The following ADGRB3 variants were observed in gnomAD, a reference collection of about 807,000 sequenced individuals.
ADGRB3 encodes adhesion G protein-coupled receptor B3.
ADGRB3 carries 37 observed loss-of-function variants against 193.4 expected under a neutral mutation model. That is an observed-to-expected ratio of 0.19 (90% CI 0.15 to 0.25). ADGRB3 has a LOEUF of 0.25. ADGRB3 is among the 10% of genes least tolerant of loss of function. The pLI is 1.00. For missense variants in ADGRB3, 1,637 were observed against 1,852.9 expected, an observed-to-expected ratio of 0.88 and a Z score of 2.14; for synonymous variants, 690 against 644.2, an observed-to-expected ratio of 1.07 and a Z score of -1.08.
intron 5 of ADGRB3, among the ~76,000 whole-genome samples, chr6:68,937,225 A>AAGAG (rs59088683): frequency 7.9e-4 from 118 of 149,680 alleles, no homozygotes; most frequent in Non-Finnish European, 1.5e-3. Context: ...AAACTTAATG[A>AAGAG]AGAGAGAGAG....
chr6:68,734,338 A>AT (rs981461267), intron 3 of ADGRB3, among the ~76,000 whole-genome samples: 3 of 151,892 alleles, frequency 2.0e-5, no homozygotes, highest in Non-Finnish European at 2.9e-5. Flanking sequence ...TGAACATTTT[A>AT]TTTTTTTAAC....
intron 16 of ADGRB3, among the ~76,000 whole-genome samples, chr6:69,071,369 C>T (rs1476621382): frequency 6.8e-6 from 1 of 147,272 alleles, no homozygotes; most frequent in Non-Finnish European, 1.5e-5. Flanking sequence ...CAAAAGAGAA[C>T]TATCCATTGG....
chr6:68,829,361 C>T (rs1767910932), intron 3 of ADGRB3, among the ~76,000 whole-genome samples: 1 of 151,934 alleles, frequency 6.6e-6, no homozygotes, highest in Non-Finnish European at 1.5e-5. Flanking sequence ...CTCGGCTTCC[C>T]ACAGTGTTGG....
At chr6:69,093,532 T>C (rs1772776522) in intron 17 of ADGRB3, among the ~76,000 whole-genome samples, 1 of 147,152 alleles carries the variant, frequency 6.8e-6, no homozygotes, top group Non-Finnish European at 1.5e-5. Flanking sequence ...TTCAGGGGGA[T>C]ATGGGGTTGG....
chr6:68,868,951 G>GTGTGTGTGTGTGTGTGTGTGTT (rs781022363), intron 3 of ADGRB3, among the ~76,000 whole-genome samples: 3 of 150,394 alleles, frequency 2.0e-5, no homozygotes, highest in African/African-American at 2.5e-5. Flanking sequence ...GAGTGTGTGT[G>GTGTGTGTGTGTGTGTGTGTGTT]TTTAAACTTA....
intron 23 of ADGRB3, chr6:69,332,449 G>A: frequency 1.0e-6 from 1 of 985,376 alleles, no homozygotes; most frequent in Non-Finnish European, 1.2e-6. Flanking sequence ...CACAGCATGA[G>A]GAATTTAAGC....
At chr6:69,369,964 T>C (rs1245114696) in intron 29 of ADGRB3, among the ~76,000 whole-genome samples, 7 of 152,150 alleles carry the variant, frequency 4.6e-5, no homozygotes, top group Non-Finnish European at 7.4e-5. Flanking sequence ...GCTCATCTAT[T>C]GTTATTTTTG....
chr6:69,238,720 T>A (rs1766324365), intron 19 of ADGRB3, among the ~76,000 whole-genome samples: 1 of 151,960 alleles, frequency 6.6e-6, no homozygotes, highest in African/African-American at 2.4e-5. Context: ...TATTGGTTGA[T>A]TCATATGATA....
At chr6:69,226,588 G>A (rs1766021064) in intron 17 of ADGRB3, among the ~76,000 whole-genome samples, 1 of 152,208 alleles carries the variant, frequency 6.6e-6, no homozygotes, top group Non-Finnish European at 1.5e-5. Flanking sequence ...AGGGCACTTT[G>A]GAAAGTGCTT....
At chr6:69,346,595 T>C (rs970920273) in intron 26 of ADGRB3, among the ~76,000 whole-genome samples, 1 of 152,112 alleles carries the variant, frequency 6.6e-6, no homozygotes, top group Admixed American at 6.5e-5. Flanking sequence ...AACAAACATA[T>C]GAAAAATAGC....
intron 3 of ADGRB3, among the ~76,000 whole-genome samples, chr6:68,908,221 T>G (rs1000237061): frequency 2.0e-5 from 3 of 152,072 alleles, no homozygotes; most frequent in Non-Finnish European, 4.4e-5. Flanking sequence ...TTGGCATTAT[T>G]GATCGATGAC....
intron 25 of ADGRB3, 62 bp from the exon 26 acceptor site, chr6:69,339,271 G>A (rs746846751): frequency 1.3e-6 from 2 of 1,554,568 alleles, no homozygotes; most frequent in Non-Finnish European, 1.7e-6. Flanking sequence ...TTGAATGGGG[G>A]TTTGGCTATG....
At chr6:68,900,717 C>T (rs1766371466) in intron 3 of ADGRB3, among the ~76,000 whole-genome samples, 1 of 152,006 alleles carries the variant, frequency 6.6e-6, no homozygotes, top group Non-Finnish European at 1.5e-5. Context: ...TTGCTGAGTG[C>T]CCCATTTACC....
chr6:69,049,372 G>A, intron 15 of ADGRB3, 26 bp downstream of exon 15: 4 of 1,499,776 alleles, frequency 2.7e-6, no homozygotes, highest in Middle Eastern at 1.9e-4. Flanking sequence ...ATAAACTGTT[G>A]TAATTTTGTA....
At chr6:69,067,133 C>G (rs1241420002) in intron 16 of ADGRB3, among the ~76,000 whole-genome samples, 2 of 152,094 alleles carry the variant, frequency 1.3e-5, no homozygotes. Context: ...GTGGACCATA[C>G]CAGCCTGCAG....
At chr6:68,940,296 C>T (rs1767598525) in intron 5 of ADGRB3, among the ~76,000 whole-genome samples, 1 of 151,994 alleles carries the variant, frequency 6.6e-6, no homozygotes, top group African/African-American at 2.4e-5. Context: ...GACATTTTGA[C>T]CCCAATAAGT....
intron 15 of ADGRB3, among the ~76,000 whole-genome samples, chr6:69,057,511 T>TTTTTTG (rs1562140724): frequency 1.3e-5 from 2 of 151,066 alleles, no homozygotes; most frequent in African/African-American, 2.4e-5. Flanking sequence ...TTTCAGGGTT[T>TTTTTTG]TTTTGTTTTG....
chr6:69,054,567 T>A (rs182625917), intron 15 of ADGRB3, among the ~76,000 whole-genome samples: 3 of 152,296 alleles, frequency 2.0e-5, no homozygotes, highest in Admixed American at 2.0e-4. Context: ...TGTCTTCTCA[T>A]GAAAACATTA....
chr6:69,154,326 A>C (rs1328698185), intron 17 of ADGRB3, among the ~76,000 whole-genome samples: 1 of 152,168 alleles, frequency 6.6e-6, no homozygotes, highest in African/African-American at 2.4e-5. Flanking sequence ...CACTACCAGA[A>C]TATTTTATCT....
Sources: allele counts gnomAD v4.1 joint callset (sites outside exome capture counted in the v4.1 genomes callset), GRCh38; gene constraint gnomAD v4.1.1; transcripts MANE v1.5; gene names NCBI Gene and HGNC (gene_info 2026-07-23, HGNC 2026-07-21).